TRPC6: variants seen among roughly 807,000 people sequenced by gnomAD.
TRPC6 encodes the protein short transient receptor potential channel 6.
A neutral mutation model predicts 90.7 loss-of-function variants in TRPC6; 55 were observed. The ratio of observed to expected loss-of-function variants is 0.61; its 90% CI spans 0.49 to 0.76. The LOEUF is 0.76. TRPC6 is among the 30% of genes least tolerant of loss of function. TRPC6 has a pLI of 0.00. For missense variants in TRPC6, 989 were observed against 1,122.7 expected, an observed-to-expected ratio of 0.88 and a Z score of 1.70; for synonymous variants, 393 against 393.0, an observed-to-expected ratio of 1.00 and a Z score of 0.00.
chr11:101,546,048 C>CTTTTTTT lies in TRPC6; in HGVS notation c.170+37285_170+37286insAAAAAAA, dbSNP rs1565237456. 1.2e-4 allele frequency among the ~76,000 whole-genome samples: 5 copies of CTTTTTTT among 43,044 alleles called. 1 individual carries two copies. The highest frequency in any genetic ancestry group is 2.0e-4 in the Non-Finnish European group (4 of 20,044). 28.2% of individuals were successfully genotyped at this position (43,044 alleles called of 152,430 possible). A position where few individuals can be genotyped will look rare whatever the true frequency, so the allele number is the denominator to read the frequency against. On this transcript the variant is annotated intron_variant, in intron 1 of 12. Coordinates refer to ENST00000344327, the MANE Select transcript of TRPC6 (RefSeq NM_004621.6). ...AATGGATCTAGTATCACATTTATAA[C>CTTTTTTT]TCTTTTTTTTTTTTTTTTTTTTTTT...
chr11:101,569,128 A>G (rs764618825), intron 1 of TRPC6, among the ~76,000 whole-genome samples: 5 of 152,074 alleles, frequency 3.3e-5, no homozygotes, highest in Admixed American at 6.6e-5. Context: ...CTCACATGCA[A>G]AGACACACAC....
At chr11:101,579,586 T>G (rs1297505611) in intron 1 of TRPC6, among the ~76,000 whole-genome samples, 1 of 152,220 alleles carries the variant, frequency 6.6e-6, no homozygotes, top group Non-Finnish European at 1.5e-5. Flanking sequence ...ATAATGATTT[T>G]GTGTTTTACT....
chr11:101,472,338 G>GA lies in TRPC6; in HGVS notation c.2010-7dup, dbSNP rs1320782612. ...TCTTAAAACTCTCTTCAACTCTGGG[G>GA]AAAAAATAACAGAAGAAAAGAAATA... On this transcript the variant is annotated splice_polypyrimidine_tract_variant and splice_region_variant and intron_variant, in intron 7 of 12. Coordinates refer to ENST00000344327, the MANE Select transcript of TRPC6 (RefSeq NM_004621.6). 2.3e-5 allele frequency: 37 copies of GA among 1,609,452 alleles called. No homozygotes were observed. Among genetic ancestry groups the GA allele is most frequent in the Non-Finnish European group, 2.9e-5 (34 of 1,178,010 alleles).
In TRPC6 at chr11:101,491,431, C is replaced by T; in HGVS notation, c.1128+125G>A. 4 of 1,229,626 alleles carry T rather than the reference C, an allele frequency of 3.3e-6. No individual in the cohort carries two copies. In the Admixed American group the frequency reaches 8.2e-5, roughly 25 times the overall value. The allele number at this position is 1,229,626 out of a possible 1,614,324, so 76.2% of individuals were successfully genotyped here. ...ACTGGGCGACAGAGCGAGACTCCAT[C>T]TCAAAAAAAAAAAAAGAGAAAAGAA... On this transcript the variant is annotated intron_variant, in intron 3 of 12. Transcript: ENST00000344327.
intron 1 of TRPC6, among the ~76,000 whole-genome samples, chr11:101,537,503 C>T (rs1391322779): frequency 1.3e-5 from 2 of 152,098 alleles, no homozygotes; most frequent in Non-Finnish European, 2.9e-5. Context: ...TAAGTAACTA[C>T]ATCTTTAATG....
rs538430882 is a variant in TRPC6 at position 101,507,229 on chromosome 11, T to C, written c.171-2431A>G. Among the ~76,000 whole-genome samples the C allele has an allele frequency of 2.0e-5, 3 of 152,214 alleles. No homozygotes were observed. The East Asian group carries it at 5.8e-4, about 29-fold the overall frequency. On this transcript the variant is annotated intron_variant, in intron 1 of 12. Transcript: ENST00000344327. ...TTAAACCTAATAGATAAAAATTCTC[T>C]TCATTTTCTCAGTGCTCTATATACA...
At position 101,561,919 on chromosome 11, in the gene TRPC6, A is replaced by T. The variant is rs181027659; in HGVS notation, c.170+21415T>A. ...ACAAAGATATTAAAGAATATACATT[A>T]AAATGCTTTTAAAAGTAAATCATTT... On this transcript the variant is annotated intron_variant, in intron 1 of 12. Coordinates refer to ENST00000344327, the MANE Select transcript of TRPC6 (RefSeq NM_004621.6). 1.3e-3 allele frequency among the ~76,000 whole-genome samples: 198 copies of T among 151,944 alleles called. 1 individual carries two copies. Among genetic ancestry groups the T allele is most frequent in the African/African-American group, 4.6e-3 (192 of 41,516 alleles).
chr11:101,454,279 C>T (rs1858834349), intron 11 of TRPC6, among the ~76,000 whole-genome samples: 1 of 152,016 alleles, frequency 6.6e-6, no homozygotes, highest in African/African-American at 2.4e-5. Context: ...AGTGGGTGCT[C>T]AGAAAGTCTT....
intron 1 of TRPC6, among the ~76,000 whole-genome samples, chr11:101,570,792 T>C (rs533554415): frequency 2.6e-5 from 4 of 152,190 alleles, no homozygotes; most frequent in Non-Finnish European, 5.9e-5. Context: ...TCTCAATAGA[T>C]GCAGAAAAGG....
Position 101,452,961 on chromosome 11 carries a change from A to T in TRPC6, c.2790T>A (p.Asn930Lys). Residue 930 changes from asparagine (N) to lysine (K), a missense_variant, in exon 13 of 13, where the codon AAT becomes AAA. Around this residue, in one of 4 missense-constraint regions of TRPC6, gnomAD observed 191 missense variants for 196.7 expected, o/e 0.97. Transcript: ENST00000344327. ...TTCTAAGGAAGTCTTCGCATTATCT[A>T]TTGGTTTCCTCTTGATTTGGTTCCA... ...LSMEPNQEET[N>K]R 6.2e-7 allele frequency: 1 copy of T among 1,613,758 alleles called. No individual in the cohort carries two copies. The highest frequency in any genetic ancestry group is 1.7e-4 in the Middle Eastern group (1 of 6,058).
At chr11:101,485,764 A>G (rs924307950) in intron 4 of TRPC6, among the ~76,000 whole-genome samples, 3 of 152,124 alleles carry the variant, frequency 2.0e-5, no homozygotes, top group African/African-American at 7.2e-5. Flanking sequence ...AAATAACATA[A>G]ATAGAAAACA....
intron 1 of TRPC6, among the ~76,000 whole-genome samples, chr11:101,525,313 G>T (rs1860753522): frequency 6.6e-6 from 1 of 152,176 alleles, no homozygotes; most frequent in South Asian, 2.1e-4. Flanking sequence ...CTTAGCTTCA[G>T]TTTCACCACC....
chr11:101,579,374 A>C lies in TRPC6; in HGVS notation c.170+3960T>G, dbSNP rs1302598486. 2.0e-5 allele frequency among the ~76,000 whole-genome samples: 3 copies of C among 152,268 alleles called. No individual in the cohort carries two copies. In the East Asian group the frequency reaches 5.8e-4, roughly 29 times the overall value. ...CTTTTTCATGTGGTTGTATTATCTC[A>C]ACTTTTTAAAAAATCCACTAACTAC... On this transcript the variant is annotated intron_variant, in intron 1 of 12. Coordinates refer to ENST00000344327, the MANE Select transcript of TRPC6 (RefSeq NM_004621.6).
intron 1 of TRPC6, among the ~76,000 whole-genome samples, chr11:101,564,294 T>A (rs901685842): frequency 6.6e-6 from 1 of 152,220 alleles, no homozygotes; most frequent in Non-Finnish European, 1.5e-5. Context: ...TATAAATGAG[T>A]ATGATTGATT....
At chr11:101,533,690 C>A (rs1350269721) in intron 1 of TRPC6, among the ~76,000 whole-genome samples, 1 of 152,098 alleles carries the variant, frequency 6.6e-6, no homozygotes, top group East Asian at 1.9e-4. Flanking sequence ...TGGGGCTTTG[C>A]TTAAGTTTTG....
chr11:101,536,408 C>T (rs866726324), intron 1 of TRPC6, among the ~76,000 whole-genome samples: 6 of 114,144 alleles, frequency 5.3e-5, no homozygotes, highest in South Asian at 3.1e-4. Context: ...CTCCCCCCCA[C>T]CAAAAAAAAA....
chr11:101,539,421 G>C (rs1474595742), intron 1 of TRPC6, among the ~76,000 whole-genome samples: 1 of 152,176 alleles, frequency 6.6e-6, no homozygotes, highest in Non-Finnish European at 1.5e-5. Context: ...CCTGTTCTCA[G>C]TTTCTCAGAC....
rs540310717 is a variant in TRPC6 at position 101,451,610 on chromosome 11, G to A, written c.*1345C>T. 1 of 152,276 alleles carries A rather than the reference G, an allele frequency of 6.6e-6. No homozygotes were observed. The highest frequency in any genetic ancestry group is 2.4e-5 in the African/African-American group (1 of 41,554). 9.4% of individuals were successfully genotyped at this position (152,276 alleles called of 1,614,324 possible). On this transcript the variant is annotated 3_prime_UTR_variant, in exon 13 of 13. Transcript: ENST00000344327. ...GTATCACCAAGTAACTTTTCCATAAGTAGTATCCACAAATACAAAATCACT... is the reference window on the plus strand; with the variant it reads ...GTATCACCAAGTAACTTTTCCATAAATAGTATCCACAAATACAAAATCACT...
chr11:101,559,664 A>T (rs974862325), intron 1 of TRPC6, among the ~76,000 whole-genome samples: 2 of 150,894 alleles, frequency 1.3e-5, no homozygotes, highest in Non-Finnish European at 2.9e-5. Flanking sequence ...TTTAAGTTTT[A>T]GGGTACATGT....
Sources: gnomAD v4.1 joint callset for allele counts (sites outside exome capture counted in the v4.1 genomes callset) on GRCh38, gnomAD v4.1.1 for gene constraint, gnomAD v4.1.1 regional missense constraint, MANE v1.5 for transcripts, NCBI Gene and HGNC (gene_info 2026-07-23, HGNC 2026-07-21) for gene names.